CDIN1: variants seen among roughly 807,000 people sequenced by gnomAD.
CDIN1 encodes CDAN1-interacting nuclease 1.
Under a neutral mutation model 45.3 loss-of-function variants are expected in CDIN1, and 33 were observed. That is an observed-to-expected ratio of 0.73 (90% CI 0.55 to 0.97). The LOEUF (loss-of-function observed/expected upper bound fraction) is 0.97. Among genes scored for constraint, CDIN1 ranks in the 50% least tolerant of loss-of-function variants. CDIN1 has a pLI of 0.00. For synonymous variants in CDIN1, 118 were observed against 124.4 expected (o/e 0.95, Z 0.34); for missense variants, 303 against 339.4 (o/e 0.89, Z 0.84).
At chr15:36,633,031 G>A (rs2039744342) in intron 1 of CDIN1, among the ~76,000 whole-genome samples, 2 of 152,268 alleles carry the variant, frequency 1.3e-5, no homozygotes, top group East Asian at 3.9e-4. Flanking sequence ...ATTTAGAAAA[G>A]GGTGGGACTT....
rs117983460 is a variant in CDIN1 at position 36,660,196 on chromosome 15, G to T, written c.346+2291G>T. Among the ~76,000 whole-genome samples the T allele has an allele frequency of 7.1e-3, 1,086 of 152,092 alleles. 9 individuals carry two copies. The highest frequency in any genetic ancestry group is 9.8e-3 in the Non-Finnish European group (669 of 67,984). On this transcript the variant is annotated intron_variant, in intron 5 of 10. Coordinates refer to ENST00000566621, the MANE Select transcript of CDIN1 (RefSeq NM_001321759.2). ...GTCTTTGGTAGCAATTAGCTAACAG[G>T]TTTGTTCAGTGCTATTGGCAGAGGC...
chr15:36,804,000 G>A (rs2141140443), intron 10 of CDIN1, among the ~76,000 whole-genome samples: 1 of 152,276 alleles, frequency 6.6e-6, no homozygotes, highest in East Asian at 1.9e-4. Flanking sequence ...CTCATAGTGA[G>A]TGCATCACAA....
chr15:36,648,950 A>G (rs968546063), intron 3 of CDIN1, among the ~76,000 whole-genome samples: 5 of 152,154 alleles, frequency 3.3e-5, no homozygotes, highest in African/African-American at 1.2e-4. Flanking sequence ...TTGTTTTCCA[A>G]TCTGTTTCCC....
Position 36,657,831 on chromosome 15 carries a change from A to G in CDIN1, c.274-2A>G. On this transcript the variant is annotated splice_acceptor_variant, in intron 4 of 10. Coordinates refer to ENST00000566621, the MANE Select transcript of CDIN1 (RefSeq NM_001321759.2). LOFTEE classifies it high-confidence loss of function. Reference sequence around the variant, plus strand: ...TTAATTTTCTACTTCTGTTTTATAAAGGTGGACTATGCGCCCTCATTAATG... The same window carrying G: ...TTAATTTTCTACTTCTGTTTTATAAGGGTGGACTATGCGCCCTCATTAATG... The G allele has an allele frequency of 6.2e-7, 1 of 1,609,518 alleles. No homozygotes were observed. The highest frequency in any genetic ancestry group is 8.5e-7 in the Non-Finnish European group (1 of 1,177,646).
rs374103540 is a variant in CDIN1 at position 36,703,236 on chromosome 15, G to T, written c.544+5846G>T. 6.1e-3 allele frequency among the ~76,000 whole-genome samples: 287 copies of T among 47,080 alleles called. 22 individuals are homozygous for T. Among genetic ancestry groups the T allele is most frequent in the African/African-American group, 0.021 (190 of 9,018 alleles). The allele number at this position is 47,080 out of a possible 152,430, so 30.9% of individuals were successfully genotyped here. A position where few individuals can be genotyped will look rare whatever the true frequency, so the allele number is the denominator to read the frequency against. ...CTGTCTCAAATATATATATATATCA[G>T]ATATATATATATCAGAAAGGGATAT... On this transcript the variant is annotated intron_variant, in intron 8 of 10. Coordinates refer to ENST00000566621, the MANE Select transcript of CDIN1 (RefSeq NM_001321759.2).
intron 5 of CDIN1, among the ~76,000 whole-genome samples, chr15:36,671,500 A>G (rs1457606557): frequency 2.0e-5 from 3 of 150,908 alleles, no homozygotes; most frequent in Admixed American, 1.3e-4. Flanking sequence ...TTTTTTGTTT[A>G]CTGAACATAT....
At position 36,697,372 on chromosome 15, in the gene CDIN1, A is replaced by C; in HGVS notation, c.526A>C (p.Lys176Gln). 1 of 1,612,054 alleles carries C rather than the reference A, an allele frequency of 6.2e-7. No individual in the cohort carries two copies. The highest frequency in any genetic ancestry group is 1.1e-5 in the South Asian group (1 of 90,810). Reference sequence around the variant, plus strand: ...CCTGCTGAGAGACTTGCTTCTAGAGAAAAACCTGTCCTTCCTAGGTAAGTA... The same window carrying C: ...CCTGCTGAGAGACTTGCTTCTAGAGCAAAACCTGTCCTTCCTAGGTAAGTA... ...EVLLRDLLLE[K>Q]NLSFLDEDQL... Residue 176 changes from lysine (K) to glutamine (Q), a missense_variant, in exon 8 of 11, where the codon AAA (lysine) becomes CAA (glutamine). Coordinates refer to ENST00000566621, the MANE Select transcript of CDIN1 (RefSeq NM_001321759.2).
At chr15:36,800,413 TATG>T (rs2054971916) in intron 10 of CDIN1, among the ~76,000 whole-genome samples, 1 of 152,170 alleles carries the variant, frequency 6.6e-6, no homozygotes, top group African/African-American at 2.4e-5. Flanking sequence ...GCCAGAACTT[TATG>T]ATGTTATATT....
At chr15:36,631,124 C>T (rs1378515469) in intron 1 of CDIN1, among the ~76,000 whole-genome samples, 4 of 152,132 alleles carry the variant, frequency 2.6e-5, no homozygotes, top group Non-Finnish European at 4.4e-5. Flanking sequence ...AGAAATGATA[C>T]ATAACCTGGA....
At chr15:36,776,303 T>C (rs2054215259) in intron 10 of CDIN1, among the ~76,000 whole-genome samples, 1 of 152,222 alleles carries the variant, frequency 6.6e-6, no homozygotes, top group South Asian at 2.1e-4. Flanking sequence ...GGAACATACA[T>C]GGTGGTGATA....
At chr15:36,615,815 A>G (rs1304433037) in intron 1 of CDIN1, among the ~76,000 whole-genome samples, 1 of 152,196 alleles carries the variant, frequency 6.6e-6, no homozygotes, top group African/African-American at 2.4e-5. Context: ...TTGAAGTTAC[A>G]TGTTGTTTTT....
chr15:36,781,826 T>C (rs1566969717), intron 10 of CDIN1, among the ~76,000 whole-genome samples: 4 of 152,218 alleles, frequency 2.6e-5, no homozygotes, highest in African/African-American at 7.2e-5. Flanking sequence ...TTCACAAGTA[T>C]TTATTGGGCA....
chr15:36,633,741 C>CAA (rs1393427018), intron 1 of CDIN1, among the ~76,000 whole-genome samples: 1 of 151,136 alleles, frequency 6.6e-6, no homozygotes, highest in African/African-American at 2.4e-5. Context: ...CACTATCATT[C>CAA]CACCCATGAT....
chr15:36,588,266 T>A (rs1407063079), intron 1 of CDIN1, among the ~76,000 whole-genome samples: 1 of 37,156 alleles, frequency 2.7e-5, no homozygotes, highest in East Asian at 2.1e-3. Flanking sequence ...ATTCACTGAT[T>A]TTTAAGAATT....
chr15:36,808,668 A>G lies in CDIN1; in HGVS notation c.*215A>G, dbSNP rs2055310796. 1.7e-6 allele frequency: 1 copy of G among 599,686 alleles called. No homozygotes were observed. Among genetic ancestry groups the G allele is most frequent in the South Asian group, 2.0e-5 (1 of 50,930 alleles). 37.1% of individuals were successfully genotyped at this position (599,686 alleles called of 1,614,324 possible). ...TGAACAGCCAAGAACTACAGACACAACCCACTCATTATCAGCATTTCTGTC... is the reference window on the plus strand; with the variant it reads ...TGAACAGCCAAGAACTACAGACACAGCCCACTCATTATCAGCATTTCTGTC... On this transcript the variant is annotated 3_prime_UTR_variant, in exon 11 of 11. Coordinates refer to ENST00000566621, the MANE Select transcript of CDIN1 (RefSeq NM_001321759.2).
intron 1 of CDIN1, chr15:36,619,210 C>T (rs1414267141): frequency 1.5e-6 from 2 of 1,312,762 alleles, no homozygotes; most frequent in African/African-American, 1.5e-5. Flanking sequence ...GGCTATACCT[C>T]AGGGAGTGAC....
chr15:36,710,885 A>G (rs1458705804), intron 10 of CDIN1, among the ~76,000 whole-genome samples: 1 of 152,182 alleles, frequency 6.6e-6, no homozygotes, highest in Non-Finnish European at 1.5e-5. Flanking sequence ...GCTTTACAAA[A>G]GGCCAGTGGA....
chr15:36,768,002 C>T lies in CDIN1; in HGVS notation c.717-40322C>T, dbSNP rs189017077. Among the ~76,000 whole-genome samples the T allele has an allele frequency of 1.8e-3, 271 of 152,240 alleles. 3 individuals are homozygous for T. The highest frequency in any genetic ancestry group is 6.2e-3 in the African/African-American group (259 of 41,542). On this transcript the variant is annotated intron_variant, in intron 10 of 10. Coordinates refer to ENST00000566621, the MANE Select transcript of CDIN1 (RefSeq NM_001321759.2). ...AGGAAGAGAGGGCTGTTTCTGACCC[C>T]TCATATATTGTGCTCATTGCAAATA...
chr15:36,714,164 CTT>C (rs1440746974), intron 10 of CDIN1, among the ~76,000 whole-genome samples: 1 of 152,120 alleles, frequency 6.6e-6, no homozygotes, highest in Middle Eastern at 3.2e-3. Flanking sequence ...TTCTGAAAAA[CTT>C]TTACGCACTT....
Sources: allele counts gnomAD v4.1 joint callset (sites outside exome capture counted in the v4.1 genomes callset), GRCh38; gene constraint gnomAD v4.1.1; transcripts MANE v1.5; gene names NCBI Gene and HGNC (gene_info 2026-07-23, HGNC 2026-07-21).